ATP11A: variants seen among roughly 807,000 people sequenced by gnomAD.
ATP11A encodes the protein ATPase phospholipid transporting 11A, also known as phospholipid-transporting ATPase IH.
ATP11A carries 81 observed loss-of-function variants against 154.4 expected under a neutral mutation model. The ratio of observed to expected loss-of-function variants is 0.52; its 90% CI spans 0.44 to 0.63. The LOEUF is 0.63. Among genes scored for constraint, ATP11A ranks in the 30% least tolerant of loss-of-function variants. The pLI, the probability that ATP11A is intolerant of heterozygous loss-of-function variation, is 0.00. For synonymous variants in ATP11A, 623 were observed against 585.9 expected, an observed-to-expected ratio of 1.06 and a Z score of -0.91; for missense variants, 1,316 against 1,474.3, an observed-to-expected ratio of 0.89 and a Z score of 1.76.
At chr13:112,793,347 G>A (rs1328386808) in intron 2 of ATP11A, among the ~76,000 whole-genome samples, 1 of 152,156 alleles carries the variant, frequency 6.6e-6, no homozygotes, top group East Asian at 1.9e-4. Flanking sequence ...AACTACAGGT[G>A]CCCACCACCA....
At chr13:112,781,806 A>AAAAAAT (rs2077507890) in intron 1 of ATP11A, among the ~76,000 whole-genome samples, 1 of 150,602 alleles carries the variant, frequency 6.6e-6, no homozygotes, top group Admixed American at 6.6e-5. Context: ...AAAAAAAAGA[A>AAAAAAT]TTTGAACATT....
chr13:112,702,260 C>T (rs574919610), intron 1 of ATP11A, among the ~76,000 whole-genome samples: 201 of 147,688 alleles, frequency 1.4e-3, no homozygotes, highest in Non-Finnish European at 2.3e-3. Context: ...GCAGGAGAAG[C>T]GCTTGAACCC....
rs760546268 is a variant in ATP11A at position 112,825,433 on chromosome 13, G to A, written c.876G>A (p.Ser292=). 10 of 1,608,868 alleles carry A rather than the reference G, an allele frequency of 6.2e-6. No individual in the cohort carries two copies. Among genetic ancestry groups the A allele is most frequent in the African/African-American group, 1.3e-5 (1 of 74,726 alleles). The change falls in exon 11 of 30, where the codon TCG becomes TCA. Residue 292 remains serine, a synonymous_variant. Transcript: ENST00000375645. ...KSQKRSAVEK[S]MNAFLIVYLC... is the part of the protein sequence containing the mutation. The stretch of plus-strand genomic sequence containing the variant: ...CACCTCTGTCCTTTTGTTTTAGATC[G>A]ATGAATGCGTTCCTCATTGTGTATC...
Position 112,862,449 on chromosome 13 carries a change from C to G in ATP11A, c.2865C>G (p.Ala955=). 6.2e-7 allele frequency: 1 copy of G among 1,613,832 alleles called. No individual in the cohort carries two copies. The highest frequency in any genetic ancestry group is 8.5e-7 in the Non-Finnish European group (1 of 1,180,002). ...KRDPTLYRDV[A]KNALLRWRVF... is the part of the protein sequence containing the mutation. ...CCTTTCTCCTCACCAGGGACGTCGC[C>G]AAGAATGCCCTGCTGCGCTGGCGCG... Residue 955 remains alanine, a synonymous_variant, in exon 25 of 30, where the codon GCC becomes GCG. Transcript: ENST00000375645.
intron 4 of ATP11A, among the ~76,000 whole-genome samples, chr13:112,808,238 C>T (rs746732441): frequency 2.0e-5 from 3 of 152,210 alleles, no homozygotes; most frequent in Non-Finnish European, 4.4e-5. Flanking sequence ...TGTCCCCTCC[C>T]TGGCTGTGTC....
chr13:112,737,644 C>T (rs945158905), intron 1 of ATP11A, among the ~76,000 whole-genome samples: 1 of 152,204 alleles, frequency 6.6e-6, no homozygotes, highest in African/African-American at 2.4e-5. Flanking sequence ...CCTCGTCTGC[C>T]TTCTCCTTTT....
chr13:112,843,871 C>T (rs1275501245), intron 17 of ATP11A, among the ~76,000 whole-genome samples: 1 of 152,202 alleles, frequency 6.6e-6, no homozygotes, highest in Non-Finnish European at 1.5e-5. Context: ...TACAAAGTAG[C>T]TGCGTTGGAG....
At chr13:112,788,071 T>G (rs1384947837) in intron 2 of ATP11A, among the ~76,000 whole-genome samples, 1 of 150,720 alleles carries the variant, frequency 6.6e-6, no homozygotes, top group East Asian at 2.0e-4. Context: ...GATACCTACT[T>G]AATTCACACC....
intron 1 of ATP11A, among the ~76,000 whole-genome samples, chr13:112,718,653 G>T (rs1888784121): frequency 6.7e-6 from 1 of 148,940 alleles, no homozygotes; most frequent in Non-Finnish European, 1.5e-5. Context: ...TCGGACCAGG[G>T]TGGGCTTGCA....
At chr13:112,796,646 A>T (rs1304984248) in intron 2 of ATP11A, among the ~76,000 whole-genome samples, 1 of 152,194 alleles carries the variant, frequency 6.6e-6, no homozygotes, top group Non-Finnish European at 1.5e-5. Flanking sequence ...AAGGTAATAA[A>T]TTTGCATTGT....
Position 112,857,939 on chromosome 13 carries a change from G to A in ATP11A, c.2521+19G>A. ...GGCATAGGTGAGCTTCGTCCTTGCT[G>A]CTGGCACATCCTGGTGGCCAGGTCA... On this transcript the variant is annotated intron_variant, in intron 21 of 29. Transcript: ENST00000375645. The A allele has an allele frequency of 1.2e-6, 2 of 1,612,872 alleles. No individual in the cohort carries two copies. The highest frequency in any genetic ancestry group is 1.1e-5 in the South Asian group (1 of 91,062).
At chr13:112,784,139 G>A (rs1435517711) in intron 1 of ATP11A, among the ~76,000 whole-genome samples, 1 of 152,228 alleles carries the variant, frequency 6.6e-6, no homozygotes, top group East Asian at 1.9e-4. Flanking sequence ...GAGCGGGGCT[G>A]CCCTGTTAGG....
At chr13:112,749,596 GA>G (rs112487493) in intron 1 of ATP11A, among the ~76,000 whole-genome samples, 2,110 of 152,376 alleles carry the variant, frequency 0.014, 45 homozygotes, top group African/African-American at 0.04. Context: ...ATTAATCAGA[GA>G]AAAGCTGGGA....
intron 8 of ATP11A, among the ~76,000 whole-genome samples, chr13:112,821,770 C>G (rs886147321): frequency 2.6e-5 from 4 of 152,320 alleles, no homozygotes; most frequent in African/African-American, 9.6e-5. Flanking sequence ...TAACTAGAAG[C>G]AAAGTACTTT....
chr13:112,870,435 G>A (rs1397170286), intron 25 of ATP11A, among the ~76,000 whole-genome samples: 4 of 152,172 alleles, frequency 2.6e-5, no homozygotes, highest in African/African-American at 4.8e-5. Context: ...TTGGAGTGTA[G>A]TGGCGTGATC....
In ATP11A at chr13:112,763,382, C is replaced by A. The variant is rs75773361; in HGVS notation, c.40-21753C>A. Reference sequence around the variant, plus strand: ...AAACAGAGACCTGAGACTGACAAAACAGACTCTCTGTACCAGTAAGTTTCC... The same window carrying A: ...AAACAGAGACCTGAGACTGACAAAAAAGACTCTCTGTACCAGTAAGTTTCC... On this transcript the variant is annotated intron_variant, in intron 1 of 29. Coordinates refer to ENST00000375645, the MANE Select transcript of ATP11A (RefSeq NM_015205.3). Among the ~76,000 whole-genome samples, 4 of 152,294 alleles carry A rather than the reference C, an allele frequency of 2.6e-5. 1 individual carries two copies. Among genetic ancestry groups the A allele is most frequent in the South Asian group, 2.1e-4 (1 of 4,824 alleles).
rs1448984089 is a variant in ATP11A, at chr13:112,831,607, G to A, written c.1395+59G>A. The A allele has an allele frequency of 7.0e-6, 11 of 1,572,026 alleles. No homozygotes were observed. The Admixed American group carries it at 1.7e-4, about 25-fold the overall frequency. ...GAGTGAGTGGGCGGCTGTGCATGCT[G>A]AGTCCACCCCTTTTCACTCGAGTGT... On this transcript the variant is annotated intron_variant, in intron 13 of 29. Coordinates refer to ENST00000375645, the MANE Select transcript of ATP11A (RefSeq NM_015205.3).
chr13:112,776,019 C>T (rs1402372072), intron 1 of ATP11A, among the ~76,000 whole-genome samples: 1 of 152,248 alleles, frequency 6.6e-6, no homozygotes, highest in Non-Finnish European at 1.5e-5. Flanking sequence ...CCCCGGACCC[C>T]TTCCCGCCTC....
intron 2 of ATP11A, among the ~76,000 whole-genome samples, chr13:112,789,530 AC>A (rs2077773644): frequency 6.8e-6 from 1 of 147,926 alleles, no homozygotes; most frequent in Non-Finnish European, 1.5e-5. Flanking sequence ...CTTAATTCAC[AC>A]CGGGTGTCCT....
Sources: gnomAD v4.1 joint callset for allele counts (sites outside exome capture counted in the v4.1 genomes callset) on GRCh38, gnomAD v4.1.1 for gene constraint, MANE v1.5 for transcripts, NCBI Gene and HGNC (gene_info 2026-07-23, HGNC 2026-07-21) for gene names.